Variants in CYP7B1 observed in about 807,000 individuals in gnomAD.
CYP7B1 encodes the protein cytochrome P450 family 7 subfamily B member 1.
In CYP7B1, 29 loss-of-function variants were observed where a neutral mutation model predicts 42.7. The observed-to-expected ratio is 0.68, with a 90% CI of 0.51 to 0.93. The LOEUF is 0.93. CYP7B1 is among the 40% of genes least tolerant of loss of function. The pLI is 0.00. For synonymous variants in CYP7B1, 235 were observed against 218.2 expected (o/e 1.08, Z -0.68); for missense variants, 655 against 600.5 (o/e 1.09, Z -0.95).
chr8:64,674,106 G>C (rs761265842), intron 1 of CYP7B1, among the ~76,000 whole-genome samples: 2 of 151,930 alleles, frequency 1.3e-5, no homozygotes, highest in Non-Finnish European at 2.9e-5. Context: ...GACACTAATG[G>C]GATTTTTAAT....
At chr8:64,781,759 G>A (rs1350643150) in intron 1 of CYP7B1, among the ~76,000 whole-genome samples, 1 of 152,040 alleles carries the variant, frequency 6.6e-6, no homozygotes, top group Non-Finnish European at 1.5e-5. Flanking sequence ...CCATGTAACC[G>A]AACATATTCA....
intron 1 of CYP7B1, among the ~76,000 whole-genome samples, chr8:64,650,374 G>A (rs781088655): frequency 1.6e-4 from 24 of 152,210 alleles, no homozygotes; most frequent in East Asian, 1.9e-4. Context: ...TTGGCTGGGC[G>A]TGGTGGCTCA....
At chr8:64,612,531 C>T (rs796353143) in intron 4 of CYP7B1, among the ~76,000 whole-genome samples, 44 of 152,202 alleles carry the variant, frequency 2.9e-4, no homozygotes, top group African/African-American at 1.1e-3. Context: ...TCTATCATAA[C>T]CTCTTACAGC....
At chr8:64,659,726 T>C (rs946436828) in intron 1 of CYP7B1, among the ~76,000 whole-genome samples, 1 of 152,168 alleles carries the variant, frequency 6.6e-6, no homozygotes, top group Non-Finnish European at 1.5e-5. Context: ...TAGGAGAATA[T>C]AGGAGCTCCA....
intron 1 of CYP7B1, among the ~76,000 whole-genome samples, chr8:64,644,102 G>T (rs183622496): frequency 6.6e-6 from 1 of 151,870 alleles, no homozygotes; most frequent in African/African-American, 2.4e-5. Flanking sequence ...GTGAAACCCC[G>T]TCTCTACTAA....
At chr8:64,696,466 C>A (rs1464452391) in intron 1 of CYP7B1, among the ~76,000 whole-genome samples, 2 of 152,120 alleles carry the variant, frequency 1.3e-5, no homozygotes, top group Non-Finnish European at 2.9e-5. Flanking sequence ...ACCACCTAAT[C>A]CTCAGACCAT....
chr8:64,587,268 GGA>G (rs908738578), downstream of CYP7B1, among the ~76,000 whole-genome samples: 5 of 151,976 alleles, frequency 3.3e-5, no homozygotes, highest in African/African-American at 4.8e-5. Flanking sequence ...ATCCGCATCC[GGA>G]GGGATTCGGG....
At chr8:64,602,385 T>A (rs1309185256) in intron 5 of CYP7B1, among the ~76,000 whole-genome samples, 1 of 152,162 alleles carries the variant, frequency 6.6e-6, no homozygotes, top group Non-Finnish European at 1.5e-5. Context: ...GAGATGCAGA[T>A]CCAACAGCTC....
intron 1 of CYP7B1, among the ~76,000 whole-genome samples, chr8:64,764,369 G>A (rs1461571679): frequency 6.6e-6 from 1 of 151,942 alleles, no homozygotes; most frequent in Non-Finnish European, 1.5e-5. Context: ...GGATAAAAGT[G>A]AATTGAGTAA....
At chr8:64,748,707 T>C (rs929013922) in intron 1 of CYP7B1, among the ~76,000 whole-genome samples, 3 of 152,172 alleles carry the variant, frequency 2.0e-5, no homozygotes, top group African/African-American at 7.2e-5. Flanking sequence ...TCATTTTCTA[T>C]CCATTCATAC....
rs986309648 is a variant in CYP7B1 at position 64,735,583 on chromosome 8, T to C, written c.122+62883A>G. On this transcript the variant is annotated intron_variant, in intron 1 of 5. Coordinates refer to ENST00000310193, the MANE Select transcript of CYP7B1 (RefSeq NM_004820.5). ...TGAACTCAAAACCCCTTCCTTGAGA[T>C]TTATTTTCATGTATACATGAGGTAT... 5.3e-5 allele frequency among the ~76,000 whole-genome samples: 8 copies of C among 152,344 alleles called. No individual in the cohort carries two copies. In the East Asian group the frequency reaches 1.4e-3, roughly 26 times the overall value.
chr8:64,674,976 T>C (rs1806423765), intron 1 of CYP7B1, among the ~76,000 whole-genome samples: 1 of 152,136 alleles, frequency 6.6e-6, no homozygotes, highest in Non-Finnish European at 1.5e-5. Flanking sequence ...ATAGCAATTA[T>C]TAAATGATGT....
At chr8:64,737,116 T>C (rs1020949548) in intron 1 of CYP7B1, among the ~76,000 whole-genome samples, 11 of 152,192 alleles carry the variant, frequency 7.2e-5, no homozygotes, top group Middle Eastern at 3.2e-3. Context: ...ATTTTGTGTG[T>C]GTGATATTGT....
intron 1 of CYP7B1, among the ~76,000 whole-genome samples, chr8:64,718,278 T>C (rs1807187717): frequency 1.3e-5 from 2 of 152,124 alleles, no homozygotes. Context: ...CACTCAGTAG[T>C]ATAAAATAAC....
intron 2 of CYP7B1, 26 bp downstream of exon 2, chr8:64,624,377 A>G: frequency 6.2e-7 from 1 of 1,607,266 alleles, no homozygotes. Context: ...TGACATATAT[A>G]AGGTATTAAT....
In CYP7B1 at chr8:64,798,461, C is replaced by T. The variant is rs1804744512; in HGVS notation, c.122+5G>A. On this transcript the variant is annotated splice_donor_5th_base_variant and intron_variant, in intron 1 of 5. Transcript: ENST00000310193. ...CATGCGTGGCCTGGCGGCCGAGGCG[C>T]TTACCTGGTGCGCCGGACAAGCAAG... 6.6e-7 allele frequency: 1 copy of T among 1,511,586 alleles called. No homozygotes were observed. The highest frequency in any genetic ancestry group is 8.8e-7 in the Non-Finnish European group (1 of 1,138,528). 93.6% of individuals were successfully genotyped at this position (1,511,586 alleles called of 1,614,324 possible). A position where few individuals can be genotyped will look rare whatever the true frequency, so the allele number is the denominator to read the frequency against.
chr8:64,592,687 A>G lies in CYP7B1; in HGVS notation c.*3955T>C, dbSNP rs1199916851. Among the ~76,000 whole-genome samples the G allele has an allele frequency of 1.3e-5, 2 of 152,252 alleles. No individual in the cohort carries two copies. The highest frequency in any genetic ancestry group is 2.9e-5 in the Non-Finnish European group (2 of 68,052). ...TTGAAGTATCTTCATTAAACTTTGC[A>G]TTGGTATATTGCATTATACCATAAA... On this transcript the variant is annotated 3_prime_UTR_variant, in exon 6 of 6. Transcript: ENST00000310193.
At chr8:64,733,166 T>C (rs1015725009) in intron 1 of CYP7B1, among the ~76,000 whole-genome samples, 4 of 152,146 alleles carry the variant, frequency 2.6e-5, no homozygotes, top group African/African-American at 9.7e-5. Flanking sequence ...CACACATATA[T>C]AGAGAACTCT....
At chr8:64,697,224 G>A (rs1262392475) in intron 1 of CYP7B1, among the ~76,000 whole-genome samples, 4 of 152,170 alleles carry the variant, frequency 2.6e-5, no homozygotes, top group Non-Finnish European at 4.4e-5. Context: ...TTTTTCCCCT[G>A]AGAGTTTTGG....
Sources: allele counts gnomAD v4.1 joint callset (sites outside exome capture counted in the v4.1 genomes callset), GRCh38; gene constraint gnomAD v4.1.1; transcripts MANE v1.5; gene names NCBI Gene and HGNC (gene_info 2026-07-23, HGNC 2026-07-21).